The following ZNF333 variants were observed in gnomAD, a reference collection of about 807,000 sequenced individuals.
The protein encoded by ZNF333 is zinc finger protein 333.
A neutral mutation model predicts 76.1 loss-of-function variants in ZNF333; 61 were observed. That is an observed-to-expected ratio of 0.80 (90% CI 0.65 to 0.99). The LOEUF is 0.99. Among genes scored for constraint, ZNF333 ranks in the 50% least tolerant of loss-of-function variants. The pLI is 0.00. For synonymous variants in ZNF333, 284 were observed against 305.0 expected, an observed-to-expected ratio of 0.93 and a Z score of 0.72; for missense variants, 717 against 822.4, an observed-to-expected ratio of 0.87 and a Z score of 1.57.
chr19:14,695,993 A>G (rs1362097292), intron 4 of ZNF333, among the ~76,000 whole-genome samples: 1 of 152,186 alleles, frequency 6.6e-6, no homozygotes, highest in Non-Finnish European at 1.5e-5. Flanking sequence ...AGCCTGGCCA[A>G]CATGGCAAAA....
At chr19:14,731,960 CTG>C (rs1322596499) in exon 12 of ZNF333, 1 of 152,216 alleles carries the variant, frequency 6.6e-6, no homozygotes, top group African/African-American at 2.4e-5. Flanking sequence ...TGTTTCACTT[CTG>C]CCATGTCCTT....
chr19:14,729,056 G>A (rs901676844), intron 11 of ZNF333, among the ~76,000 whole-genome samples: 3 of 152,194 alleles, frequency 2.0e-5, no homozygotes, highest in South Asian at 2.1e-4. Flanking sequence ...GGGGTGGAAC[G>A]GGTGCAGAAT....
At position 14,718,219 on chromosome 19, in the gene ZNF333, C is replaced by T. The variant is rs777015996; in HGVS notation, c.901-9C>T. The T allele has an allele frequency of 3.1e-6, 5 of 1,594,570 alleles. No individual in the cohort carries two copies. The highest frequency in any genetic ancestry group is 4.3e-6 in the Non-Finnish European group (5 of 1,171,694). On this transcript the variant is annotated splice_polypyrimidine_tract_variant and intron_variant, in intron 11 of 11. Coordinates refer to ENST00000292530, the MANE Select transcript of ZNF333 (RefSeq NM_032433.4). ...GGCCTTTGGTCTTCACATTTTCCTT[C>T]ATCGACAGGAGCAACCTCAGCCTGG...
chr19:14,708,575 A>G, intron 7 of ZNF333: 1 of 377,996 alleles, frequency 2.6e-6, no homozygotes, highest in Non-Finnish European at 4.7e-6. Flanking sequence ...ATAATGGGCT[A>G]CTGCAGCACT....
chr19:14,698,034 A>G (rs1054472240), intron 4 of ZNF333, among the ~76,000 whole-genome samples: 1 of 152,134 alleles, frequency 6.6e-6, no homozygotes, highest in Non-Finnish European at 1.5e-5. Context: ...GAGTCCACAC[A>G]TAGCCCTACA....
At chr19:14,699,096 T>C in intron 4 of ZNF333, 103 bp from the exon 5 acceptor site, 1 of 853,246 alleles carries the variant, frequency 1.2e-6, no homozygotes. Flanking sequence ...CCTATGTGTG[T>C]ATAGTGTGTA....
intron 5 of ZNF333, among the ~76,000 whole-genome samples, chr19:14,703,778 A>T (rs1291010857): frequency 6.6e-6 from 1 of 152,030 alleles, no homozygotes; most frequent in Non-Finnish European, 1.5e-5. Context: ...CAGGGGAAAT[A>T]TTGGCTGGGT....
At chr19:14,707,709 G>A (rs879498521) in intron 7 of ZNF333, among the ~76,000 whole-genome samples, 7 of 150,938 alleles carry the variant, frequency 4.6e-5, no homozygotes, top group Non-Finnish European at 5.9e-5. Context: ...CCACCACCAC[G>A]CCCGGCTAAT....
At chr19:14,698,901 T>G (rs1442461743) in intron 4 of ZNF333, among the ~76,000 whole-genome samples, 13 of 12,200 alleles carry the variant, frequency 1.1e-3, no homozygotes, top group Admixed American at 3.7e-3. Flanking sequence ...CAAATATAGA[T>G]ATATATATAT....
At chr19:14,723,492 G>C (rs1225278015), downstream of ZNF333, among the ~76,000 whole-genome samples, 1 of 152,206 alleles carries the variant, frequency 6.6e-6, no homozygotes, top group African/African-American at 2.4e-5. Flanking sequence ...CGTGAACATA[G>C]TATGTCTATT....
At chr19:14,727,212 T>G (rs942189025) in intron 11 of ZNF333, among the ~76,000 whole-genome samples, 3 of 152,054 alleles carry the variant, frequency 2.0e-5, no homozygotes, top group Admixed American at 1.3e-4. Context: ...GTATTTTTAG[T>G]AGAGACAGGG....
In ZNF333 at chr19:14,706,464, C is replaced by T. The variant is rs907266335; in HGVS notation, c.424-222C>T. On this transcript the variant is annotated intron_variant, in intron 6 of 11. Transcript: ENST00000292530. ...CCTTGGAGGGTGCCACCTTCCCCAG[C>T]CCCTGCCTGGGTGCCCTCTCTCCAG... 1.3e-5 allele frequency: 7 copies of T among 542,920 alleles called. No individual in the cohort carries two copies. The African/African-American group carries it at 1.3e-4, about 10-fold the overall frequency. The allele number at this position is 542,920 out of a possible 1,614,324, so 33.6% of individuals were successfully genotyped here.
At chr19:14,698,909 T>G (rs1050200893) in intron 4 of ZNF333, among the ~76,000 whole-genome samples, 9 of 16,782 alleles carry the variant, frequency 5.4e-4, no homozygotes, top group African/African-American at 1.2e-3. Flanking sequence ...GATATATATA[T>G]ATATATATAT....
At position 14,719,571 on chromosome 19, in the gene ZNF333, G is replaced by A; in HGVS notation, c.*246G>A. 2.8e-6 allele frequency: 3 copies of A among 1,063,414 alleles called. No homozygotes were observed. The South Asian group carries it at 7.7e-5, about 27-fold the overall frequency. 65.9% of individuals were successfully genotyped at this position (1,063,414 alleles called of 1,614,324 possible). A position where few individuals can be genotyped will look rare whatever the true frequency, so the allele number is the denominator to read the frequency against. On this transcript the variant is annotated 3_prime_UTR_variant, in exon 12 of 12. Transcript: ENST00000292530. Reference sequence around the variant, plus strand: ...ATAGTGAAATGCATACATCTGAAGTGTACAGTTGGATGAGTTTGACAGATG... The same window carrying A: ...ATAGTGAAATGCATACATCTGAAGTATACAGTTGGATGAGTTTGACAGATG...
At chr19:14,726,481 G>A (rs1050205889), downstream of ZNF333, among the ~76,000 whole-genome samples, 6 of 152,012 alleles carry the variant, frequency 3.9e-5, no homozygotes, top group Admixed American at 2.0e-4. Context: ...TTACCGCATG[G>A]CCAGGTTGAG....
At chr19:14,714,720 C>T (rs541817460) in intron 7 of ZNF333, 1 of 152,880 alleles carries the variant, frequency 6.5e-6, no homozygotes, top group South Asian at 2.1e-4. Context: ...CTGGGAGTTG[C>T]TTGCTTGTCT....
intron 11 of ZNF333, among the ~76,000 whole-genome samples, chr19:14,730,479 T>A (rs1792239048): frequency 6.6e-6 from 1 of 151,678 alleles, no homozygotes. Flanking sequence ...ACTTTTTTCT[T>A]TTTCTTTCTT....
chr19:14,704,906 G>A, intron 5 of ZNF333, 148 bp from the exon 6 acceptor site: 1 of 640,594 alleles, frequency 1.6e-6, no homozygotes, highest in Non-Finnish European at 2.6e-6. Flanking sequence ...GCCTCCCAAA[G>A]TGCTGGGATT....
At chr19:14,704,940 TC>T in intron 5 of ZNF333, 113 bp from the exon 6 acceptor site, 1 of 911,270 alleles carries the variant, frequency 1.1e-6, no homozygotes, top group South Asian at 1.6e-5. Context: ...ACTGCACCCA[TC>T]CCCATTTGCC....
Sources: gnomAD v4.1 joint callset for allele counts (sites outside exome capture counted in the v4.1 genomes callset) on GRCh38, gnomAD v4.1.1 for gene constraint, MANE v1.5 for transcripts, NCBI Gene and HGNC (gene_info 2026-07-23, HGNC 2026-07-21) for gene names.